ACAP2: variants seen among roughly 807,000 people sequenced by gnomAD.
ACAP2 encodes arf-GAP with coiled-coil, ANK repeat and PH domain-containing protein 2.
In ACAP2, 39 loss-of-function variants were observed where a neutral mutation model predicts 115.8. The ratio of observed to expected loss-of-function variants is 0.34; its 90% confidence interval spans 0.26 to 0.44. ACAP2 has a LOEUF of 0.44. Among genes scored for constraint, ACAP2 ranks in the 20% least tolerant of loss-of-function variants. The pLI, the probability that ACAP2 is intolerant of heterozygous loss-of-function variation, is 1.00. For synonymous variants in ACAP2, 289 were observed against 315.8 expected (o/e 0.92, Z 0.90); for missense variants, 662 against 927.6 (o/e 0.71, Z 3.72).
intron 6 of ACAP2, among the ~76,000 whole-genome samples, chr3:195,338,619 C>A (rs910597607): frequency 1.3e-5 from 2 of 152,098 alleles, no homozygotes; most frequent in African/African-American, 2.4e-5. Flanking sequence ...CTGCACCCGG[C>A]CAGATTTTAA....
chr3:195,321,855 C>T (rs184355902), intron 9 of ACAP2, among the ~76,000 whole-genome samples: 1 of 152,140 alleles, frequency 6.6e-6, no homozygotes, highest in Non-Finnish European at 1.5e-5. Flanking sequence ...TCAAGTGATT[C>T]ACCTGCCTCA....
intron 4 of ACAP2, among the ~76,000 whole-genome samples, chr3:195,366,324 C>G (rs1320484000): frequency 6.6e-6 from 1 of 152,230 alleles, no homozygotes; most frequent in Non-Finnish European, 1.5e-5. Context: ...CCAGATGATT[C>G]TGTTATACAA....
chr3:195,311,312 G>C (rs958694278), intron 10 of ACAP2, among the ~76,000 whole-genome samples: 1 of 151,934 alleles, frequency 6.6e-6, no homozygotes, highest in African/African-American at 2.4e-5. Flanking sequence ...GGCCAGGCTG[G>C]TCTCTAACTC....
chr3:195,422,504 T>TG (rs1442495749), intron 1 of ACAP2, among the ~76,000 whole-genome samples: 1 of 152,146 alleles, frequency 6.6e-6, no homozygotes, highest in Non-Finnish European at 1.5e-5. Context: ...TATTTAGAGA[T>TG]GGAGTCTTGC....
intron 2 of ACAP2, among the ~76,000 whole-genome samples, chr3:195,385,482 G>A (rs1734241584): frequency 6.6e-6 from 1 of 151,828 alleles, no homozygotes; most frequent in African/African-American, 2.4e-5. Context: ...AGGAGGTAAG[G>A]GGCTTGGAAC....
At chr3:195,308,950 G>C in intron 10 of ACAP2, 113 bp from the exon 11 acceptor site, 1 of 1,020,422 alleles carries the variant, frequency 9.8e-7, no homozygotes, top group Non-Finnish European at 1.4e-6. Context: ...ATTATGTTTT[G>C]AGAAGTCCAC....
At chr3:195,349,846 G>T in intron 4 of ACAP2, 2 of 352,626 alleles carry the variant, frequency 5.7e-6, no homozygotes, top group South Asian at 4.8e-5. Flanking sequence ...TGTGCGCATT[G>T]ACACCAGGCA....
chr3:195,325,414 A>AC (rs1729721632), intron 9 of ACAP2: 1 of 262,074 alleles, frequency 3.8e-6, no homozygotes, highest in Non-Finnish European at 7.2e-6. Flanking sequence ...TAGTGGACTG[A>AC]TTTTTTTTTT....
intron 4 of ACAP2, among the ~76,000 whole-genome samples, chr3:195,378,523 A>AC (rs1733728208): frequency 6.6e-6 from 1 of 150,836 alleles, no homozygotes; most frequent in Admixed American, 6.6e-5. Context: ...AACAAAAAAA[A>AC]ACAAAAAAAA....
At position 195,278,276 on chromosome 3, in the gene ACAP2, A is replaced by T. The variant is rs1451354170; in HGVS notation, c.*1052T>A. The T allele has an allele frequency of 6.6e-6, 1 of 152,178 alleles. No individual in the cohort carries two copies. The allele number at this position is 152,178 out of a possible 1,614,324, so 9.4% of individuals were successfully genotyped here. On this transcript the variant is annotated 3_prime_UTR_variant, in exon 23 of 23. Transcript: ENST00000326793. ...ATTTAAAAGAATGTACACTGTGTAC[A>T]AGTACACAAAATAGATGTAGAAAAA...
Position 195,351,441 on chromosome 3 carries a change from CGTGTGTGTGTGTGTGT to C in ACAP2, c.286-6140_286-6125del, listed in dbSNP as rs56049053. Among the ~76,000 whole-genome samples the C allele has an allele frequency of 8.2e-4, 106 of 130,024 alleles. 1 individual carries two copies. The Middle Eastern group carries it at 0.02, about 25-fold the overall frequency. The allele number at this position is 130,024 out of a possible 152,430, so 85.3% of individuals were successfully genotyped here. On this transcript the variant is annotated intron_variant, in intron 4 of 22. Transcript: ENST00000326793. ...CAATAAATCCATATTTTTTCTTTTT[CGTGTGTGTGTGTGTGT>C]GTGTGTGTGTGTGTGTGTGTGTGTG...
intron 1 of ACAP2, among the ~76,000 whole-genome samples, chr3:195,433,743 G>T (rs1352139515): frequency 6.6e-6 from 1 of 152,108 alleles, no homozygotes; most frequent in African/African-American, 2.4e-5. Flanking sequence ...ATAGTATATT[G>T]CATTGATTGA....
At chr3:195,346,503 G>A (rs9855453) in intron 4 of ACAP2, among the ~76,000 whole-genome samples, 43,663 of 151,930 alleles carry the variant, frequency 0.29, 7,188 homozygotes, top group East Asian at 0.71. Context: ...TTCAACAGAC[G>A]AAATGGACAA....
At chr3:195,351,426 A>C (rs897958116) in intron 4 of ACAP2, among the ~76,000 whole-genome samples, 1 of 140,946 alleles carries the variant, frequency 7.1e-6, no homozygotes, top group Non-Finnish European at 1.5e-5. Context: ...CAATAAATCC[A>C]TATTTTTTCT....
At chr3:195,346,416 G>A (rs1731190652) in intron 4 of ACAP2, among the ~76,000 whole-genome samples, 1 of 152,154 alleles carries the variant, frequency 6.6e-6, no homozygotes, top group African/African-American at 2.4e-5. Flanking sequence ...AAGAAGGAGA[G>A]ACGCATCTTT....
At chr3:195,298,512 C>A (rs1228711056) in intron 15 of ACAP2, among the ~76,000 whole-genome samples, 1 of 152,124 alleles carries the variant, frequency 6.6e-6, no homozygotes, top group Non-Finnish European at 1.5e-5. Flanking sequence ...CCCACCTCGA[C>A]CTCTCAAAGT....
intron 1 of ACAP2, among the ~76,000 whole-genome samples, chr3:195,441,352 C>T (rs1022756937): frequency 1.3e-5 from 2 of 152,222 alleles, no homozygotes; most frequent in Admixed American, 1.3e-4. Flanking sequence ...ATTTGTGTCT[C>T]TTGAGTCCTT....
At chr3:195,430,637 C>T (rs145415767) in intron 1 of ACAP2, among the ~76,000 whole-genome samples, 4 of 152,174 alleles carry the variant, frequency 2.6e-5, no homozygotes, top group African/African-American at 9.6e-5. Flanking sequence ...ATCACTTGAA[C>T]CCGGGAGGCA....
chr3:195,344,175 G>A (rs1240619613), intron 5 of ACAP2, among the ~76,000 whole-genome samples: 1 of 152,156 alleles, frequency 6.6e-6, no homozygotes, highest in African/African-American at 2.4e-5. Flanking sequence ...TTATTATCAA[G>A]CCACTGTACT....
Sources: gnomAD v4.1 joint callset for allele counts (sites outside exome capture counted in the v4.1 genomes callset) on GRCh38, gnomAD v4.1.1 for gene constraint, MANE v1.5 for transcripts, NCBI Gene and HGNC (gene_info 2026-07-23, HGNC 2026-07-21) for gene names.